Variants in FAM169A observed in about 807,000 individuals in gnomAD.
FAM169A encodes soluble lamin-associated protein of 75 kDa.
In FAM169A, 24 loss-of-function variants were observed where a neutral mutation model predicts 75.7. The observed-to-expected ratio is 0.32, with a 90% CI of 0.23 to 0.45. The LOEUF (loss-of-function observed/expected upper bound fraction) is 0.45. Ranked by LOEUF, FAM169A falls within the 20% of genes least tolerant of loss-of-function variation. The pLI, the probability that FAM169A is intolerant of heterozygous loss-of-function variation, is 1.00. For missense variants in FAM169A, 673 were observed against 784.0 expected, an observed-to-expected ratio of 0.86 and a Z score of 1.69; for synonymous variants, 271 against 271.0, an observed-to-expected ratio of 1.00 and a Z score of 0.00.
chr5:74,799,302 G>A (rs1393487187), intron 10 of FAM169A: 10 of 1,584,208 alleles, frequency 6.3e-6, no homozygotes, highest in Middle Eastern at 1.7e-4. Context: ...CTTTTGTGAA[G>A]TGGTCCGCCC....
chr5:74,786,001 C>T (rs551107701), intron 11 of FAM169A, among the ~76,000 whole-genome samples: 2 of 152,228 alleles, frequency 1.3e-5, no homozygotes, highest in South Asian at 4.1e-4. Flanking sequence ...GGCAGACGCA[C>T]CCTCAATCTG....
chr5:74,826,074 T>C (rs1272408063), intron 5 of FAM169A, among the ~76,000 whole-genome samples: 3 of 152,150 alleles, frequency 2.0e-5, no homozygotes, highest in Non-Finnish European at 2.9e-5. Context: ...TTTACCATCA[T>C]TTAGGTTTGT....
intron 11 of FAM169A, among the ~76,000 whole-genome samples, chr5:74,785,363 A>G (rs921462971): frequency 2.6e-5 from 4 of 152,216 alleles, no homozygotes; most frequent in African/African-American, 7.2e-5. Context: ...TTCCATAAAC[A>G]TCTAGATGCA....
At position 74,814,025 on chromosome 5, in the gene FAM169A, G is replaced by C; in HGVS notation, c.491-6C>G. 6.5e-7 allele frequency: 1 copy of C among 1,531,214 alleles called. No individual in the cohort carries two copies. The allele number at this position is 1,531,214 out of a possible 1,614,324, so 94.9% of individuals were successfully genotyped here. ...AAAAGAGGCACATATGCTTCCTGCA[G>C]TAATAAGAACAGAAACCCAATAATT... On this transcript the variant is annotated splice_region_variant and splice_polypyrimidine_tract_variant and intron_variant, in intron 5 of 12. Coordinates refer to ENST00000687041, the MANE Select transcript of FAM169A (RefSeq NM_001376049.1).
At chr5:74,835,601 C>CAAAAAAAAAAAAAAAAAAAAA (rs35800429) in intron 4 of FAM169A, among the ~76,000 whole-genome samples, 1 of 59,154 alleles carries the variant, frequency 1.7e-5, no homozygotes, top group Non-Finnish European at 3.7e-5. Context: ...GACTGTGTCT[C>CAAAAAAAAAAAAAAAAAAAAA]AAAAAAAAAA....
At chr5:74,852,838 T>C (rs1206819209) in intron 1 of FAM169A, among the ~76,000 whole-genome samples, 3 of 152,128 alleles carry the variant, frequency 2.0e-5, no homozygotes, top group Non-Finnish European at 4.4e-5. Context: ...GGAAGAGACA[T>C]TCAAGGCTAT....
chr5:74,840,117 G>T lies in FAM169A; in HGVS notation c.189C>A (p.Thr63=), dbSNP rs895686798. ...GFVPLYGGDQ[T]QKILALFAPE... Reference sequence around the variant, plus strand: ...GTGCAAAGAGAGCAAGAATTTTCTGGGTCTGATCTCCACCATAAAGAGGTA... The same window carrying T: ...GTGCAAAGAGAGCAAGAATTTTCTGTGTCTGATCTCCACCATAAAGAGGTA... The change falls in exon 3 of 13, where the codon ACC becomes ACA. Residue 63 remains threonine, a synonymous_variant. Coordinates refer to ENST00000687041, the MANE Select transcript of FAM169A (RefSeq NM_001376049.1). 2 of 1,600,050 alleles carry T rather than the reference G, an allele frequency of 1.2e-6. No individual in the cohort carries two copies. The highest frequency in any genetic ancestry group is 1.7e-6 in the Non-Finnish European group (2 of 1,173,410).
intron 5 of FAM169A, among the ~76,000 whole-genome samples, chr5:74,816,198 T>A (rs904449837): frequency 2.0e-5 from 3 of 152,136 alleles, no homozygotes; most frequent in Non-Finnish European, 4.4e-5. Context: ...TAACACACAT[T>A]ATAAGTAGTG....
At chr5:74,785,706 G>C (rs1253992745) in intron 11 of FAM169A, among the ~76,000 whole-genome samples, 1 of 152,168 alleles carries the variant, frequency 6.6e-6, no homozygotes, top group Non-Finnish European at 1.5e-5. Context: ...AGGTTGTAGT[G>C]AGCTGAGTTC....
chr5:74,832,250 C>CA (rs1748349537), intron 5 of FAM169A, among the ~76,000 whole-genome samples: 1 of 151,282 alleles, frequency 6.6e-6, no homozygotes, highest in Non-Finnish European at 1.5e-5. Context: ...AAAAAACAAC[C>CA]AAAAAAACAC....
chr5:74,843,675 C>T (rs567169340), intron 1 of FAM169A, among the ~76,000 whole-genome samples: 1 of 152,278 alleles, frequency 6.6e-6, no homozygotes, highest in South Asian at 2.1e-4. Flanking sequence ...ATTCAGTATG[C>T]TCTTTACTGT....
rs1008686402 is a variant in FAM169A, at chr5:74,780,956, A to C, written c.*504T>G. On this transcript the variant is annotated 3_prime_UTR_variant, in exon 13 of 13. Coordinates refer to ENST00000687041, the MANE Select transcript of FAM169A (RefSeq NM_001376049.1). Reference sequence around the variant, plus strand: ...AGTTTCTGTTTTTGTGCTCTCATTTACTTGAAGTTATATTTTTTCTAATTT... The same window carrying C: ...AGTTTCTGTTTTTGTGCTCTCATTTCCTTGAAGTTATATTTTTTCTAATTT... 1 of 152,432 alleles carries C rather than the reference A, an allele frequency of 6.6e-6. No individual in the cohort carries two copies. Among genetic ancestry groups the C allele is most frequent in the Admixed American group, 6.5e-5 (1 of 15,304 alleles). 9.4% of individuals were successfully genotyped at this position (152,432 alleles called of 1,614,324 possible).
intron 4 of FAM169A, 83 bp from the exon 5 acceptor site, chr5:74,834,680 A>T (rs1748477901): frequency 9.0e-7 from 1 of 1,112,438 alleles, no homozygotes; most frequent in East Asian, 2.8e-5. Context: ...CCCTGCTCCC[A>T]TACCTCATAC....
chr5:74,788,510 A>T (rs897833417), intron 11 of FAM169A, among the ~76,000 whole-genome samples: 1 of 152,144 alleles, frequency 6.6e-6, no homozygotes, highest in African/African-American at 2.4e-5. Context: ...GTTCGAAACC[A>T]GCCTGACCAA....
intron 4 of FAM169A, among the ~76,000 whole-genome samples, chr5:74,837,562 C>T (rs187273151): frequency 5.3e-5 from 8 of 152,240 alleles, no homozygotes; most frequent in South Asian, 2.1e-4. Context: ...CCTAGTAACC[C>T]GCAAGTTTCT....
At chr5:74,794,915 T>C (rs1007223224) in intron 11 of FAM169A, among the ~76,000 whole-genome samples, 2 of 151,832 alleles carry the variant, frequency 1.3e-5, no homozygotes, top group African/African-American at 2.4e-5. Flanking sequence ...ACATAACATA[T>C]GTCATTTCAT....
intron 4 of FAM169A, among the ~76,000 whole-genome samples, chr5:74,836,818 C>A (rs1037535195): frequency 6.6e-6 from 1 of 152,018 alleles, no homozygotes; most frequent in Non-Finnish European, 1.5e-5. Context: ...CAAGGTGGCA[C>A]ACACCTGTAG....
At chr5:74,841,705 A>G (rs1232414686) in intron 1 of FAM169A, 26 bp from the exon 2 acceptor site, 12 of 1,578,898 alleles carry the variant, frequency 7.6e-6, no homozygotes, top group Non-Finnish European at 1.0e-5. Context: ...TGGAACAAAC[A>G]ATTCAGAATA....
At chr5:74,851,554 T>G (rs896749503) in intron 1 of FAM169A, among the ~76,000 whole-genome samples, 1 of 152,168 alleles carries the variant, frequency 6.6e-6, no homozygotes, top group Admixed American at 6.5e-5. Flanking sequence ...CTCGAAACAT[T>G]TGCAAAAGCC....
Sources: gnomAD v4.1 joint callset for allele counts (sites outside exome capture counted in the v4.1 genomes callset) on GRCh38, gnomAD v4.1.1 for gene constraint, MANE v1.5 for transcripts, NCBI Gene and HGNC (gene_info 2026-07-23, HGNC 2026-07-21) for gene names.